ZNHIT2: variants seen among roughly 807,000 people sequenced by gnomAD.
The protein encoded by ZNHIT2 is zinc finger HIT-type containing 2, also known as zinc finger HIT domain-containing protein 2.
ZNHIT2 carries 16 observed loss-of-function variants against 18.0 expected under a neutral mutation model. That is an observed-to-expected ratio of 0.89 (90% CI 0.60 to 1.35). ZNHIT2 has a LOEUF of 1.35. Among genes scored for constraint, ZNHIT2 ranks in the 40% most tolerant of loss-of-function variants. ZNHIT2 has a pLI of 0.00. For missense variants in ZNHIT2, 631 were observed against 566.4 expected (o/e 1.11, Z -1.16); for synonymous variants, 336 against 269.8 (o/e 1.25, Z -2.41).
Position 65,117,071 on chromosome 11 carries a change from G to T in ZNHIT2, c.583C>A (p.Arg195Ser). The T allele has an allele frequency of 6.3e-7, 1 of 1,593,036 alleles. No homozygotes were observed. The highest frequency in any genetic ancestry group is 8.5e-7 in the Non-Finnish European group (1 of 1,172,604). Residue 195 changes from arginine to serine, a missense_variant, in exon 1 of 1, where the codon CGC (arginine) becomes AGC (serine). Transcript: ENST00000310597. ...PGACTPVVPT[R>S]IPAIVSLSRG... ...CTCAGGCTGACTATCGCGGGGATGC[G>T]GGTGGGTACGACGGGCGTGCAGGCC... is the stretch of plus-strand genomic sequence containing the variant.
Position 65,116,656 on chromosome 11 carries a change from A to C in ZNHIT2, c.998T>G (p.Leu333Arg). Residue 333 changes from leucine (L) to arginine (R), a missense_variant, in exon 1 of 1, where the codon CTT (leucine) becomes CGT (arginine). By Grantham distance (102) the Leu-to-Arg change is moderately radical. Transcript: ENST00000310597. ...CTGGCACTTTTTCCGGGCCCGGTAA[A>C]GATGATCTCGCTCTTCTCTAGCCAC... ...QAVAREERDH[L>R]YRARKKCQFL... The C allele has an allele frequency of 1.2e-6, 2 of 1,614,122 alleles. No individual in the cohort carries two copies. Among genetic ancestry groups the C allele is most frequent in the Non-Finnish European group, 1.7e-6 (2 of 1,180,016 alleles).
rs1948005178 is a variant in ZNHIT2, at chr11:65,117,408, C to G, written c.246G>C (p.Gly82=). ...RQQRETEDEP[G]EAGLSSGPAP... is the part of the protein sequence containing the mutation. ...CCGGGCCGGAGCTGAGGCCTGCTTC[C>G]CCAGGCTCGTCCTCGGTCTCGCGTT... is the stretch of plus-strand genomic sequence containing the variant. Residue 82 remains glycine (G), a synonymous_variant, in exon 1 of 1, where the codon GGG becomes GGC. Transcript: ENST00000310597. 1 of 1,496,460 alleles carries G rather than the reference C, an allele frequency of 6.7e-7. No homozygotes were observed. Among genetic ancestry groups the G allele is most frequent in the African/African-American group, 1.4e-5 (1 of 70,006 alleles). The allele number at this position is 1,496,460 out of a possible 1,614,324, so 92.7% of individuals were successfully genotyped here.
rs2137210958 is a variant in ZNHIT2 at position 65,116,785 on chromosome 11, ACCTCGTGCATAGCC to A, written c.855_868del (p.Ala286ArgfsTer37). 6.2e-7 allele frequency: 1 copy of A among 1,606,752 alleles called. No individual in the cohort carries two copies. Among genetic ancestry groups the A allele is most frequent in the Non-Finnish European group, 8.5e-7 (1 of 1,175,334 alleles). Reference sequence around the variant, plus strand: ...GCCCTCGCCCAGCAGGATGCGGGCGACCTCGTGCATAGCCCCTCGTGTGCCCAGGGGCCCCGGCG... The same window carrying A: ...GCCCTCGCCCAGCAGGATGCGGGCGACCTCGTGTGCCCAGGGGCCCCGGCG... On this transcript the variant is annotated frameshift_variant, in exon 1 of 1. Coordinates refer to ENST00000310597, the MANE Select transcript of ZNHIT2 (RefSeq NM_014205.4). LOFTEE classifies it high-confidence loss of function.
rs780825662 is a variant in ZNHIT2 at position 65,116,537 on chromosome 11, C to T, written c.1117G>A (p.Glu373Lys). 3 of 1,547,620 alleles carry T rather than the reference C, an allele frequency of 1.9e-6. No individual in the cohort carries two copies. In the Admixed American group the frequency reaches 5.6e-5, roughly 29 times the overall value. The change falls in exon 1 of 1, where the codon GAG becomes AAG. Residue 373 changes from glutamate to lysine, a missense_variant. Physicochemically the swap from Glu to Lys is moderately conservative, Grantham distance 56. Transcript: ENST00000310597. ...RAHQAHAVVA[E>K]EVAALTGELE... ...TCCCCAGTGAGGGCGGCCACCTCCT[C>T]GGCTACCACAGCATGGGCTTGGTGA...
Position 65,117,466 on chromosome 11 carries a change from C to G in ZNHIT2, c.188G>C (p.Arg63Pro). 6.5e-7 allele frequency: 1 copy of G among 1,547,230 alleles called. No individual in the cohort carries two copies. Among genetic ancestry groups the G allele is most frequent in the Non-Finnish European group, 8.7e-7 (1 of 1,155,310 alleles). ...ELRGCSAPPS[R>P]LASALRRLRQ... The stretch of plus-strand genomic sequence containing the variant: ...CAGCCGGCGTAGGGCGCTTGCTAGG[C>G]GGCTGGGAGGAGCGCTGCAACCGCG... The change falls in exon 1 of 1, where the codon CGC (arginine) becomes CCC (proline). Residue 63 changes from arginine (R) to proline (P), a missense_variant. Physicochemically the swap from Arg to Pro is moderately radical, Grantham distance 103 (BLOSUM62 -2). Coordinates refer to ENST00000310597, the MANE Select transcript of ZNHIT2 (RefSeq NM_014205.4).
rs779295493 is a variant in ZNHIT2, at chr11:65,116,939, C to G, written c.715G>C (p.Asp239His). 1.3e-6 allele frequency: 2 copies of G among 1,597,166 alleles called. No homozygotes were observed. The highest frequency in any genetic ancestry group is 2.7e-5 in the African/African-American group (2 of 74,778). The change falls in exon 1 of 1, where the codon GAC (aspartate) becomes CAC (histidine). Residue 239 changes from aspartate (D) to histidine (H), a missense_variant. By Grantham distance (81) the Asp-to-His change is moderately conservative (BLOSUM62 -1). Coordinates refer to ENST00000310597, the MANE Select transcript of ZNHIT2 (RefSeq NM_014205.4). ...YHGGDDALLSDFCATLLGVSG... is the reference protein window; with the variant it reads ...YHGGDDALLSHFCATLLGVSG... The stretch of plus-strand genomic sequence containing the variant: ...ACGCCGAGCAGTGTGGCACAGAAGT[C>G]AGAGAGCAGCGCGTCGTCACCGCCG...
rs1948005385 is a variant in ZNHIT2, at chr11:65,117,436, T to C, written c.218A>G (p.Gln73Arg). 1 of 1,506,564 alleles carries C rather than the reference T, an allele frequency of 6.6e-7. No homozygotes were observed. Among genetic ancestry groups the C allele is most frequent in the Non-Finnish European group, 8.8e-7 (1 of 1,133,712 alleles). The allele number at this position is 1,506,564 out of a possible 1,614,324, so 93.3% of individuals were successfully genotyped here. The change falls in exon 1 of 1, where the codon CAG (glutamine) becomes CGG (arginine). Residue 73 changes from glutamine to arginine, a missense_variant. Coordinates refer to ENST00000310597, the MANE Select transcript of ZNHIT2 (RefSeq NM_014205.4). ...AGGCTCGTCCTCGGTCTCGCGTTGC[T>C]GACGCAGCCGGCGTAGGGCGCTTGC... is the stretch of plus-strand genomic sequence containing the variant. Reference protein sequence around the residue: ...RLASALRRLRQQRETEDEPGE... With the variant: ...RLASALRRLRRQRETEDEPGE...
chr11:65,117,548 G>C lies in ZNHIT2; in HGVS notation c.106C>G (p.Arg36Gly). ...NAPYCSLRCY[R>G]THGTCAENFY... ...TTTTCTGCGCAGGTGCCATGCGTCC[G>C]GTAGCAGCGCAGCGAGCAGTAGGGC... Residue 36 changes from arginine to glycine, a missense_variant, in exon 1 of 1, where the codon CGG becomes GGG. Physicochemically the swap from Arg to Gly is moderately radical, Grantham distance 125. Coordinates refer to ENST00000310597, the MANE Select transcript of ZNHIT2 (RefSeq NM_014205.4). 1 of 1,589,604 alleles carries C rather than the reference G, an allele frequency of 6.3e-7. No homozygotes were observed. Among genetic ancestry groups the C allele is most frequent in the Non-Finnish European group, 8.5e-7 (1 of 1,175,240 alleles).
In ZNHIT2 at chr11:65,117,270, C is replaced by T; in HGVS notation, c.384G>A (p.Pro128=). The T allele has an allele frequency of 3.4e-6, 5 of 1,492,170 alleles. No homozygotes were observed. Among genetic ancestry groups the T allele is most frequent in the Non-Finnish European group, 4.4e-6 (5 of 1,130,818 alleles). The allele number at this position is 1,492,170 out of a possible 1,614,324, so 92.4% of individuals were successfully genotyped here. A position where few individuals can be genotyped will look rare whatever the true frequency, so the allele number is the denominator to read the frequency against. Reference sequence around the variant, plus strand: ...GTCCGGCTCCGCGGTTCCACCACCACGGCCGCCATGGAGGCAGCAGCCGCC... The same window carrying T: ...GTCCGGCTCCGCGGTTCCACCACCATGGCCGCCATGGAGGCAGCAGCCGCC... ...EAGRLLPPWR[P]WWWNRGAGPQ... is the part of the protein sequence containing the mutation. The change falls in exon 1 of 1, where the codon CCG becomes CCA. Residue 128 remains proline, a synonymous_variant. Coordinates refer to ENST00000310597, the MANE Select transcript of ZNHIT2 (RefSeq NM_014205.4).
Position 65,117,023 on chromosome 11 carries a change from C to CGAGCGGCGAGACTGGG in ZNHIT2, c.615_630dup (p.Val211ProfsTer28). On this transcript the variant is annotated frameshift_variant, in exon 1 of 1. Transcript: ENST00000310597. LOFTEE classifies it high-confidence loss of function. ...AGCACATTGGGCAGCTGGAAGCGCACGAGCGGCGAGACTGGGCCGCGGCTC... is the reference window on the plus strand; with the variant it reads ...AGCACATTGGGCAGCTGGAAGCGCACGAGCGGCGAGACTGGGGAGCGGCGAGACTGGGCCGCGGCTC... 1 of 1,598,026 alleles carries CGAGCGGCGAGACTGGG rather than the reference C, an allele frequency of 6.3e-7. No homozygotes were observed. Among genetic ancestry groups the CGAGCGGCGAGACTGGG allele is most frequent in the African/African-American group, 1.3e-5 (1 of 74,782 alleles).
chr11:65,116,493 TC>T lies in ZNHIT2; in HGVS notation c.1160del (p.Gly387GlufsTer?). ...TTCTTGGGGCAGGTGGCACGGGGCC[TC>T]CCCAAAGCCGCTCCAGCTCCCCAGT... is the stretch of plus-strand genomic sequence containing the variant. ...ALTGELERLW[G>X]GPVPPAPRTL... On this transcript the variant is annotated frameshift_variant, in exon 1 of 1. Coordinates refer to ENST00000310597, the MANE Select transcript of ZNHIT2 (RefSeq NM_014205.4). LOFTEE classifies it high-confidence loss of function. 6.6e-7 allele frequency: 1 copy of T among 1,519,070 alleles called. No individual in the cohort carries two copies. The highest frequency in any genetic ancestry group is 8.8e-7 in the Non-Finnish European group (1 of 1,132,426). The allele number at this position is 1,519,070 out of a possible 1,614,324, so 94.1% of individuals were successfully genotyped here.
In ZNHIT2 at chr11:65,117,394, C is replaced by A; in HGVS notation, c.260G>T (p.Ser87Ile). 6.7e-7 allele frequency: 1 copy of A among 1,496,384 alleles called. No individual in the cohort carries two copies. The highest frequency in any genetic ancestry group is 1.8e-4 in the Middle Eastern group (1 of 5,670). The allele number at this position is 1,496,384 out of a possible 1,614,324, so 92.7% of individuals were successfully genotyped here. ...TEDEPGEAGL[S>I]SGPAPGGLSG... ...TAGGCCGCCGGGCGCCGGGCCGGAG[C>A]TGAGGCCTGCTTCCCCAGGCTCGTC... The change falls in exon 1 of 1, where the codon AGC (serine) becomes ATC (isoleucine). Residue 87 changes from serine to isoleucine, a missense_variant. By Grantham distance (142) the Ser-to-Ile change is moderately radical. Coordinates refer to ENST00000310597, the MANE Select transcript of ZNHIT2 (RefSeq NM_014205.4).
chr11:65,117,063 G>A lies in ZNHIT2; in HGVS notation c.591C>T (p.Pro197=). The A allele has an allele frequency of 1.3e-6, 2 of 1,593,392 alleles. No homozygotes were observed. The highest frequency in any genetic ancestry group is 1.7e-6 in the Non-Finnish European group (2 of 1,172,640). Residue 197 remains proline (P), a synonymous_variant, in exon 1 of 1, where the codon CCC becomes CCT. Transcript: ENST00000310597. ...GGCCGCGGCTCAGGCTGACTATCGCGGGGATGCGGGTGGGTACGACGGGCG... is the reference window on the plus strand; with the variant it reads ...GGCCGCGGCTCAGGCTGACTATCGCAGGGATGCGGGTGGGTACGACGGGCG... ...ACTPVVPTRI[P]AIVSLSRGPV...
In ZNHIT2 at chr11:65,117,174, C is replaced by T. The variant is rs768133640; in HGVS notation, c.480G>A (p.Arg160=). ...DAAELELAPA[R]TPPDSVKDAS... ...CATCTTTCACAGAATCCGGCGGGGT[C>T]CTCGCAGGGGCGAGCTCCAGCTCCG... is the stretch of plus-strand genomic sequence containing the variant. The change falls in exon 1 of 1, where the codon AGG becomes AGA. Residue 160 remains arginine, a synonymous_variant. Transcript: ENST00000310597. 2 of 1,563,272 alleles carry T rather than the reference C, an allele frequency of 1.3e-6. No individual in the cohort carries two copies. Among genetic ancestry groups the T allele is most frequent in the Non-Finnish European group, 1.7e-6 (2 of 1,160,030 alleles).
rs1282096364 is a variant in ZNHIT2 at position 65,116,458 on chromosome 11, T to A, written c.1196A>T (p.Glu399Val). ...PVPPAPRTLI[E>V]ELPS is the part of the protein sequence containing the mutation. ...GTAACCCGTTCAGCTAGGGAGCTCC[T>A]CAATGAGAGTTCTTGGGGCAGGTGG... Residue 399 changes from glutamate to valine, a missense_variant, in exon 1 of 1, where the codon GAG (glutamate) becomes GTG (valine). Physicochemically the swap from Glu to Val is moderately radical, Grantham distance 121 (BLOSUM62 -2). Coordinates refer to ENST00000310597, the MANE Select transcript of ZNHIT2 (RefSeq NM_014205.4). The A allele has an allele frequency of 7.3e-6, 11 of 1,513,638 alleles. No individual in the cohort carries two copies. The highest frequency in any genetic ancestry group is 8.8e-6 in the Non-Finnish European group (10 of 1,130,232). The allele number at this position is 1,513,638 out of a possible 1,614,324, so 93.8% of individuals were successfully genotyped here.
Position 65,117,245 on chromosome 11 carries a change from G to GTCCGGCTCCGCGGT in ZNHIT2, c.395_408dup (p.Pro137ThrfsTer35). On this transcript the variant is annotated frameshift_variant, in exon 1 of 1. Coordinates refer to ENST00000310597, the MANE Select transcript of ZNHIT2 (RefSeq NM_014205.4). LOFTEE classifies it high-confidence loss of function. ...TTATCCAGCTCCTCCAGAAGCTGCG[G>GTCCGGCTCCGCGGT]TCCGGCTCCGCGGTTCCACCACCAC... 6.7e-7 allele frequency: 1 copy of GTCCGGCTCCGCGGT among 1,500,636 alleles called. No homozygotes were observed. The allele number at this position is 1,500,636 out of a possible 1,614,324, so 93.0% of individuals were successfully genotyped here.
Position 65,117,015 on chromosome 11 carries a change from G to A in ZNHIT2, c.639C>T (p.Phe213=). ...SRGPVSPLVR[F]QLPNVLFAYA... ...AGGCGAACAGCACATTGGGCAGCTG[G>A]AAGCGCACGAGCGGCGAGACTGGGC... Residue 213 remains phenylalanine, a synonymous_variant, in exon 1 of 1, where the codon TTC becomes TTT. Coordinates refer to ENST00000310597, the MANE Select transcript of ZNHIT2 (RefSeq NM_014205.4). 2.5e-6 allele frequency: 4 copies of A among 1,600,510 alleles called. No homozygotes were observed. The highest frequency in any genetic ancestry group is 2.6e-6 in the Non-Finnish European group (3 of 1,176,184).
rs1948003635 is a variant in ZNHIT2, at chr11:65,117,318, C to T, written c.336G>A (p.Arg112=). 2.0e-6 allele frequency: 3 copies of T among 1,494,844 alleles called. No individual in the cohort carries two copies. The highest frequency in any genetic ancestry group is 1.8e-6 in the Non-Finnish European group (2 of 1,134,794). The allele number at this position is 1,494,844 out of a possible 1,614,324, so 92.6% of individuals were successfully genotyped here. Residue 112 remains arginine, a synonymous_variant, in exon 1 of 1, where the codon CGG becomes CGA. Transcript: ENST00000310597. ...LAPGEKAAFE[R]LLSRGEAGRL... ...GCCCGGCCTCACCGCGGCTCAGCAGCCGCTCGAAGGCAGCTTTTTCGCCCG... is the reference window on the plus strand; with the variant it reads ...GCCCGGCCTCACCGCGGCTCAGCAGTCGCTCGAAGGCAGCTTTTTCGCCCG...
Position 65,117,605 on chromosome 11 carries a change from G to A in ZNHIT2, c.49C>T (p.Pro17Ser). Residue 17 changes from proline to serine, a missense_variant, in exon 1 of 1, where the codon CCA becomes TCA. Physicochemically the swap from Pro to Ser is moderately conservative, Grantham distance 74. Coordinates refer to ENST00000310597, the MANE Select transcript of ZNHIT2 (RefSeq NM_014205.4). ...CAGCGAGGGCAGGTGTAACGCGCTG[G>A]CTGGACCTCCCCCGCCGGGCAGAAG... Reference protein sequence around the residue: ...CGFCPAGEVQPARYTCPRCNA... With the variant: ...CGFCPAGEVQSARYTCPRCNA... 1.3e-6 allele frequency: 2 copies of A among 1,516,438 alleles called. No homozygotes were observed. Among genetic ancestry groups the A allele is most frequent in the South Asian group, 1.2e-5 (1 of 81,090 alleles). The allele number at this position is 1,516,438 out of a possible 1,614,324, so 93.9% of individuals were successfully genotyped here.
Sources: allele counts gnomAD v4.1 joint callset, GRCh38; gene constraint gnomAD v4.1.1; transcripts MANE v1.5; gene names NCBI Gene and HGNC (gene_info 2026-07-23, HGNC 2026-07-21).